STPG2: variants seen among roughly 807,000 people sequenced by gnomAD.
STPG2 encodes the protein sperm tail PG-rich repeat containing 2.
STPG2 carries 56 observed loss-of-function variants against 54.2 expected under a neutral mutation model. The observed-to-expected ratio is 1.03, with a 90% CI of 0.83 to 1.29. The LOEUF is 1.29. STPG2 is among the 50% of genes most tolerant of loss of function. The probability of loss-of-function intolerance (pLI) is 0.00; values close to 1 mark genes in which losing one functional copy is unlikely to be tolerated. For missense variants in STPG2, 596 were observed against 544.9 expected (o/e 1.09, Z -0.93); for synonymous variants, 200 against 181.8 (o/e 1.10, Z -0.81).
chr4:98,115,974 T>TTC (rs1739509667), intron 3 of STPG2, among the ~76,000 whole-genome samples: 1 of 127,812 alleles, frequency 7.8e-6, no homozygotes, highest in African/African-American at 3.0e-5. Context: ...AACTACGTTT[T>TTC]TATATGTTTT....
At chr4:98,035,429 T>C (rs886557431) in intron 5 of STPG2, among the ~76,000 whole-genome samples, 40 of 152,182 alleles carry the variant, frequency 2.6e-4, no homozygotes, top group Non-Finnish European at 4.7e-4. Context: ...AGAAAGGCGA[T>C]CATTAAAAGT....
chr4:97,638,165 A>G (rs938614927), intron 10 of STPG2, among the ~76,000 whole-genome samples: 1 of 152,182 alleles, frequency 6.6e-6, no homozygotes, highest in Non-Finnish European at 1.5e-5. Context: ...AATGGAACAG[A>G]ACAGAGCCCT....
intron 9 of STPG2, among the ~76,000 whole-genome samples, chr4:97,764,986 T>C (rs988651106): frequency 1.3e-5 from 2 of 152,158 alleles, no homozygotes; most frequent in Non-Finnish European, 1.5e-5. Flanking sequence ...AATATCAATA[T>C]TATAAGTGCT....
At chr4:98,139,304 A>G (rs529090304) in intron 1 of STPG2, among the ~76,000 whole-genome samples, 1 of 152,314 alleles carries the variant, frequency 6.6e-6, no homozygotes, top group South Asian at 2.1e-4. Flanking sequence ...GGCCTGGCCA[A>G]GCAGGCTACA....
chr4:97,485,079 T>A (rs1730320171), intron 4 of STPG2, among the ~76,000 whole-genome samples: 2 of 151,542 alleles, frequency 1.3e-5, no homozygotes, highest in African/African-American at 2.4e-5. Context: ...AACCATCTCT[T>A]ACAAAGCCAC....
intron 5 of STPG2, among the ~76,000 whole-genome samples, chr4:98,072,028 T>G (rs376620062): frequency 1.3e-5 from 2 of 152,080 alleles, no homozygotes; most frequent in African/African-American, 4.8e-5. Context: ...GAGGCAGAAA[T>G]ACCATTTGAC....
chr4:97,642,400 A>G (rs114720581), intron 10 of STPG2, among the ~76,000 whole-genome samples: 1 of 151,510 alleles, frequency 6.6e-6, no homozygotes, highest in African/African-American at 2.4e-5. Context: ...AGGAAGTACT[A>G]TTGATAGCAT....
At chr4:97,634,480 G>C (rs895384440) in intron 10 of STPG2, among the ~76,000 whole-genome samples, 13 of 152,192 alleles carry the variant, frequency 8.5e-5, no homozygotes, top group African/African-American at 2.4e-4. Flanking sequence ...ACAGAACAAA[G>C]CTGGACAGAG....
intron 4 of STPG2, among the ~76,000 whole-genome samples, chr4:97,501,760 A>T (rs773384757): frequency 5.9e-5 from 9 of 151,998 alleles, no homozygotes; most frequent in Non-Finnish European, 1.2e-4. Flanking sequence ...AACTACCTGC[A>T]TGAAACATAA....
chr4:98,023,974 G>C (rs1453049137), intron 5 of STPG2, among the ~76,000 whole-genome samples: 1 of 152,162 alleles, frequency 6.6e-6, no homozygotes, highest in Non-Finnish European at 1.5e-5. Flanking sequence ...CTGACCCCTT[G>C]TGCTTCCCGA....
chr4:97,590,264 G>A (rs192457336), intron 10 of STPG2, among the ~76,000 whole-genome samples: 2 of 152,128 alleles, frequency 1.3e-5, no homozygotes, highest in African/African-American at 2.4e-5. Context: ...CTGAAAGGCT[G>A]AAGAAAGAAG....
chr4:97,577,324 T>C (rs1015770649), intron 10 of STPG2, among the ~76,000 whole-genome samples: 6 of 152,150 alleles, frequency 3.9e-5, no homozygotes, highest in African/African-American at 1.4e-4. Flanking sequence ...ACAATAGCAA[T>C]GTCATGGAAT....
chr4:98,031,648 G>A (rs1409444092), intron 5 of STPG2, among the ~76,000 whole-genome samples: 2 of 151,882 alleles, frequency 1.3e-5, no homozygotes, highest in Non-Finnish European at 2.9e-5. Flanking sequence ...TCATGCCACC[G>A]CACTCCAGCC....
chr4:97,459,552 G>A (rs1403024937), intron 4 of STPG2, among the ~76,000 whole-genome samples: 1 of 149,578 alleles, frequency 6.7e-6, no homozygotes, highest in African/African-American at 2.5e-5. Context: ...CCATTCTCCT[G>A]CCTCAGCCTC....
chr4:97,673,443 TA>T, intron 10 of STPG2, among the ~76,000 whole-genome samples: 1 of 152,278 alleles, frequency 6.6e-6, no homozygotes, highest in East Asian at 1.9e-4. Flanking sequence ...CATAATTAGA[TA>T]AAAAATAAAC....
In STPG2 at chr4:97,686,250, T is replaced by TC. The variant is rs1560718713; in HGVS notation, c.1320+26448_1320+26449insG. 4.7e-5 allele frequency among the ~76,000 whole-genome samples: 7 copies of TC among 148,516 alleles called. No homozygotes were observed. In the East Asian group the frequency reaches 6.0e-4, roughly 13 times the overall value. On this transcript the variant is annotated intron_variant, in intron 10 of 10. Transcript: ENST00000295268. The stretch of plus-strand genomic sequence containing the variant: ...TTCCTTTTTCTTTTTCTTTTCCTCT[T>TC]TCTCTCTCTCTCTCTCTCTCTGTCT...
chr4:97,907,744 C>T (rs980524038), intron 8 of STPG2, among the ~76,000 whole-genome samples: 2 of 152,140 alleles, frequency 1.3e-5, no homozygotes, highest in Non-Finnish European at 2.9e-5. Flanking sequence ...CTTTGACAAA[C>T]CTCAGAAAAA....
intron 8 of STPG2, among the ~76,000 whole-genome samples, chr4:97,939,299 G>A (rs894155897): frequency 3.8e-5 from 5 of 133,204 alleles, no homozygotes; most frequent in African/African-American, 1.1e-4. Flanking sequence ...GTTTGGGGGT[G>A]GAGAGTTCTG....
chr4:97,544,385 G>A (rs1731790569), intron 4 of STPG2, among the ~76,000 whole-genome samples: 1 of 151,968 alleles, frequency 6.6e-6, no homozygotes, highest in Non-Finnish European at 1.5e-5. Flanking sequence ...AATGGATTAA[G>A]TGATTTAAAA....
Sources: allele counts gnomAD v4.1 joint callset (sites outside exome capture counted in the v4.1 genomes callset), GRCh38; gene constraint gnomAD v4.1.1; transcripts MANE v1.5; gene names NCBI Gene and HGNC (gene_info 2026-07-23, HGNC 2026-07-21).